Variants in VAV3 observed in about 807,000 individuals in gnomAD.
VAV3 encodes the protein guanine nucleotide exchange factor VAV3.
In VAV3, 94 loss-of-function variants were observed where a neutral mutation model predicts 131.2. That is an observed-to-expected ratio of 0.72 (90% CI 0.61 to 0.85). The LOEUF is 0.85. Among genes scored for constraint, VAV3 ranks in the 40% least tolerant of loss-of-function variants. VAV3 has a pLI of 0.00. For synonymous variants in VAV3, 349 were observed against 342.0 expected (o/e 1.02, Z -0.22); for missense variants, 939 against 1,002.7 (o/e 0.94, Z 0.86).
At chr1:107,885,285 A>G (rs1406763384) in intron 1 of VAV3, among the ~76,000 whole-genome samples, 1 of 152,034 alleles carries the variant, frequency 6.6e-6, no homozygotes, top group Non-Finnish European at 1.5e-5. Context: ...TTGAGATGGC[A>G]TATTTTTCCT....
At chr1:107,716,511 G>A (rs1661101756) in intron 15 of VAV3, among the ~76,000 whole-genome samples, 2 of 152,126 alleles carry the variant, frequency 1.3e-5, no homozygotes, top group African/African-American at 4.8e-5. Flanking sequence ...TTTGTCTTTG[G>A]TTCTGTTTAT....
chr1:107,745,569 A>G (rs1663291641), intron 15 of VAV3, among the ~76,000 whole-genome samples: 1 of 152,188 alleles, frequency 6.6e-6, no homozygotes, highest in South Asian at 2.1e-4. Context: ...AGAGGCTGAG[A>G]TTTAGGTCAC....
At chr1:107,882,890 A>G (rs1571088149) in intron 1 of VAV3, among the ~76,000 whole-genome samples, 1 of 152,152 alleles carries the variant, frequency 6.6e-6, no homozygotes, top group East Asian at 1.9e-4. Flanking sequence ...TTATTTTCAT[A>G]CTGATGCTAA....
intron 10 of VAV3, among the ~76,000 whole-genome samples, chr1:107,760,189 A>T (rs985772829): frequency 1.3e-5 from 2 of 152,198 alleles, no homozygotes; most frequent in African/African-American, 4.8e-5. Context: ...TAATACACTA[A>T]GACATTTCTT....
At chr1:107,769,336 A>G (rs2102174801) in intron 6 of VAV3, among the ~76,000 whole-genome samples, 1 of 152,344 alleles carries the variant, frequency 6.6e-6, no homozygotes, top group South Asian at 2.1e-4. Flanking sequence ...TTAAGCATGG[A>G]CATTACCGAT....
chr1:107,943,996 C>T (rs1428574228), intron 1 of VAV3, among the ~76,000 whole-genome samples: 1 of 152,250 alleles, frequency 6.6e-6, no homozygotes, highest in Non-Finnish European at 1.5e-5. Flanking sequence ...GGCCTAAACA[C>T]CCATCACAAA....
intron 2 of VAV3, among the ~76,000 whole-genome samples, chr1:107,846,308 C>A (rs768024335): frequency 2.0e-5 from 3 of 152,092 alleles, no homozygotes; most frequent in African/African-American, 7.2e-5. Context: ...GGACTAAATA[C>A]GGAAAGGAAA....
intron 1 of VAV3, among the ~76,000 whole-genome samples, chr1:107,885,328 T>C (rs1052588534): frequency 2.6e-5 from 4 of 152,100 alleles, no homozygotes; most frequent in African/African-American, 7.2e-5. Context: ...GATATGCTAA[T>C]GGCAGACTAA....
intron 1 of VAV3, among the ~76,000 whole-genome samples, chr1:107,912,910 A>G (rs968571912): frequency 2.0e-5 from 3 of 152,226 alleles, no homozygotes; most frequent in African/African-American, 7.2e-5. Context: ...CCACAGCATC[A>G]AAACCACTTG....
At chr1:107,598,344 G>A (rs1232891735) in intron 24 of VAV3, among the ~76,000 whole-genome samples, 1 of 151,732 alleles carries the variant, frequency 6.6e-6, no homozygotes, top group Non-Finnish European at 1.5e-5. Flanking sequence ...CAACAAGAAC[G>A]AAACTCTGTC....
At chr1:107,584,293 A>T (rs1451360568) in intron 25 of VAV3, among the ~76,000 whole-genome samples, 1 of 152,218 alleles carries the variant, frequency 6.6e-6, no homozygotes. Context: ...TAGACCTAAA[A>T]CCATAAAAGC....
At position 107,721,157 on chromosome 1, in the gene VAV3, G is replaced by T. The variant is rs577012750; in HGVS notation, c.1503-16096C>A. Among the ~76,000 whole-genome samples the T allele has an allele frequency of 2.2e-4, 34 of 152,282 alleles. No homozygotes were observed. In the South Asian group the frequency reaches 4.6e-3, roughly 20 times the overall value. On this transcript the variant is annotated intron_variant, in intron 15 of 26. Coordinates refer to ENST00000370056, the MANE Select transcript of VAV3 (RefSeq NM_006113.5). ...AGACTAAATTTAGGCATAAGAGACT[G>T]AATCAGGGCATGAGAAAACGTGAAG...
intron 25 of VAV3, among the ~76,000 whole-genome samples, chr1:107,584,725 A>G (rs191981591): frequency 9.2e-4 from 140 of 152,322 alleles, no homozygotes; most frequent in Non-Finnish European, 1.1e-3. Context: ...GGATTATTGT[A>G]AAAAATAAAC....
chr1:107,956,600 G>A (rs935464352), intron 1 of VAV3, among the ~76,000 whole-genome samples: 6 of 152,020 alleles, frequency 3.9e-5, no homozygotes, highest in Admixed American at 2.0e-4. Flanking sequence ...ATTATTATTC[G>A]ATTATAAATA....
intron 2 of VAV3, among the ~76,000 whole-genome samples, chr1:107,779,759 C>T (rs978426647): frequency 9.9e-5 from 15 of 152,112 alleles, no homozygotes; most frequent in African/African-American, 3.4e-4. Context: ...ATCAGTATAA[C>T]ACAAAGTTAG....
chr1:107,620,816 G>A lies in VAV3; in HGVS notation c.1915-3184C>T, dbSNP rs1013729347. On this transcript the variant is annotated intron_variant, in intron 20 of 26. Transcript: ENST00000370056. ...GATGAATTTTTTAGCTGATGAAAGT[G>A]TATGGACTGGCATAGTTGTTTCTTT... Among the ~76,000 whole-genome samples, 7 of 152,246 alleles carry A rather than the reference G, an allele frequency of 4.6e-5. No homozygotes were observed. The East Asian group carries it at 1.3e-3, about 29-fold the overall frequency.
intron 25 of VAV3, among the ~76,000 whole-genome samples, chr1:107,578,360 A>G (rs973340136): frequency 1.3e-5 from 2 of 152,220 alleles, no homozygotes. Context: ...TAATTTTTAT[A>G]ATCAGCCCAA....
intron 1 of VAV3, among the ~76,000 whole-genome samples, chr1:107,921,144 G>C (rs749204802): frequency 6.6e-6 from 1 of 152,042 alleles, no homozygotes; most frequent in Non-Finnish European, 1.5e-5. Flanking sequence ...GTTCATCTGC[G>C]TGTCATACAC....
chr1:107,923,346 T>C (rs1186574428), intron 1 of VAV3, among the ~76,000 whole-genome samples: 1 of 152,100 alleles, frequency 6.6e-6, no homozygotes, highest in Non-Finnish European at 1.5e-5. Context: ...CCTAAATTCA[T>C]AAGTTGAAAT....
Sources: allele counts gnomAD v4.1 joint callset (sites outside exome capture counted in the v4.1 genomes callset), GRCh38; gene constraint gnomAD v4.1.1; transcripts MANE v1.5; gene names NCBI Gene and HGNC (gene_info 2026-07-23, HGNC 2026-07-21).